Variants in WDFY4 observed in about 807,000 individuals in gnomAD.
The protein encoded by WDFY4 is WD repeat- and FYVE domain-containing protein 4.
WDFY4 carries 169 observed loss-of-function variants against 351.9 expected under a neutral mutation model. The ratio of observed to expected loss-of-function variants is 0.48; its 90% CI spans 0.42 to 0.55. The LOEUF (loss-of-function observed/expected upper bound fraction) is 0.55. Among genes scored for constraint, WDFY4 ranks in the 20% least tolerant of loss-of-function variants. WDFY4 has a pLI of 0.00. For missense variants in WDFY4, 3,803 were observed against 3,935.6 expected (o/e 0.97, Z 0.90); for synonymous variants, 1,622 against 1,574.6 (o/e 1.03, Z -0.71).
intron 2 of WDFY4, among the ~76,000 whole-genome samples, chr10:48,713,379 A>T (rs1316526938): frequency 6.6e-6 from 1 of 152,182 alleles, no homozygotes; most frequent in Non-Finnish European, 1.5e-5. Flanking sequence ...GTTTTCTTCC[A>T]TATCTGACTC....
chr10:48,774,440 T>G lies in WDFY4; in HGVS notation c.2554-18T>G. 1 of 1,551,524 alleles carries G rather than the reference T, an allele frequency of 6.4e-7. No homozygotes were observed. The highest frequency in any genetic ancestry group is 8.7e-7 in the Non-Finnish European group (1 of 1,146,928). On this transcript the variant is annotated intron_variant, in intron 13 of 61. Coordinates refer to ENST00000325239, the MANE Select transcript of WDFY4 (RefSeq NM_001394531.1). ...GTTCTGCCCTGGAGGGCTCACAGCT[T>G]GCTTTGGTCACTCTTAGCTTTCCGA...
chr10:48,878,946 A>C (rs1317611857), intron 43 of WDFY4, among the ~76,000 whole-genome samples: 1 of 152,274 alleles, frequency 6.6e-6, no homozygotes, highest in Non-Finnish European at 1.5e-5. Context: ...GAAGTATCAT[A>C]TATCTACTAT....
chr10:48,803,332 A>G lies in WDFY4; in HGVS notation c.4457A>G (p.His1486Arg), dbSNP rs1483195524. ...ADNLELSLFS[H>R]LLEILQSPRE... is the part of the protein sequence containing the mutation. ...AATCTGGAGCTCAGCCTCTTTTCCC[A>G]TCTTTTGGAAATCCTTCAATCACCA... Residue 1486 changes from histidine (H) to arginine (R), a missense_variant, in exon 25 of 62, where the codon CAT (histidine) becomes CGT (arginine). By Grantham distance (29) the His-to-Arg change is conservative (BLOSUM62 0). Transcript: ENST00000325239. 8.4e-6 allele frequency: 13 copies of G among 1,551,752 alleles called. No individual in the cohort carries two copies. In the South Asian group the frequency reaches 1.1e-4, roughly 13 times the overall value.
chr10:48,913,220 C>T (rs1171665399), intron 47 of WDFY4, among the ~76,000 whole-genome samples: 1 of 152,094 alleles, frequency 6.6e-6, no homozygotes, highest in Admixed American at 6.5e-5. Context: ...AATCAAAAGC[C>T]CTTCAATCAA....
At chr10:48,699,748 TG>T (rs557815954) in intron 1 of WDFY4, among the ~76,000 whole-genome samples, 41 of 152,324 alleles carry the variant, frequency 2.7e-4, no homozygotes, top group African/African-American at 8.2e-4. Context: ...CTGTGCTTTT[TG>T]TTTTTGTCCT....
intron 37 of WDFY4, 49 bp downstream of exon 37, chr10:48,828,945 G>T: frequency 2.1e-6 from 1 of 484,036 alleles, no homozygotes; most frequent in Non-Finnish European, 3.6e-6. Context: ...GGGCGGGGAG[G>T]GGGTGGTGGC....
intron 53 of WDFY4, among the ~76,000 whole-genome samples, chr10:48,961,039 A>C (rs576191337): frequency 6.6e-6 from 1 of 152,360 alleles, no homozygotes; most frequent in East Asian, 1.9e-4. Flanking sequence ...AAACACTTTG[A>C]ACTGGGCATT....
intron 13 of WDFY4, among the ~76,000 whole-genome samples, chr10:48,760,899 T>C (rs372740434): frequency 6.6e-6 from 1 of 152,118 alleles, no homozygotes; most frequent in Non-Finnish European, 1.5e-5. Flanking sequence ...AGAGCCCGCC[T>C]CTATGATGGG....
chr10:48,877,241 AGTT>A (rs1363802881), intron 43 of WDFY4, 42 bp downstream of exon 43: 3 of 1,522,272 alleles, frequency 2.0e-6, no homozygotes, highest in Non-Finnish European at 2.7e-6. Flanking sequence ...TTTTTAAGTT[AGTT>A]GTTAAGATTG....
chr10:48,894,986 C>G (rs1239394102), intron 44 of WDFY4, among the ~76,000 whole-genome samples: 1 of 152,218 alleles, frequency 6.6e-6, no homozygotes, highest in East Asian at 1.9e-4. Flanking sequence ...CAGAAGCATT[C>G]AGAACCAAAG....
chr10:48,945,667 T>C (rs1285468533), intron 49 of WDFY4, among the ~76,000 whole-genome samples: 1 of 152,200 alleles, frequency 6.6e-6, no homozygotes, highest in Non-Finnish European at 1.5e-5. Context: ...AAAATCAGTT[T>C]GATTCTAAGC....
chr10:48,946,200 G>A (rs1413252373), intron 50 of WDFY4, 43 bp downstream of exon 50: 18 of 1,412,082 alleles, frequency 1.3e-5, no homozygotes, highest in East Asian at 2.5e-5. Flanking sequence ...GTTATTCATC[G>A]GGATGCCCTA....
At chr10:48,880,714 A>T (rs1170715581) in intron 43 of WDFY4, among the ~76,000 whole-genome samples, 1 of 152,152 alleles carries the variant, frequency 6.6e-6, no homozygotes, top group Non-Finnish European at 1.5e-5. Flanking sequence ...GCCATTATCT[A>T]GGCATCCGTC....
chr10:48,876,528 C>A (rs1380379467), intron 42 of WDFY4, among the ~76,000 whole-genome samples: 1 of 152,160 alleles, frequency 6.6e-6, no homozygotes, highest in Admixed American at 6.5e-5. Context: ...TAAATGGGAC[C>A]TGTTATTATT....
chr10:48,909,991 T>G (rs1375167598), intron 47 of WDFY4: 2 of 528,730 alleles, frequency 3.8e-6, no homozygotes, highest in African/African-American at 3.8e-5. Flanking sequence ...TTCTTAAATT[T>G]TTTTCTATAT....
At chr10:48,753,525 T>C (rs572988149) in intron 12 of WDFY4, among the ~76,000 whole-genome samples, 20 of 152,236 alleles carry the variant, frequency 1.3e-4, no homozygotes, top group Non-Finnish European at 2.8e-4. Context: ...TAATTCATTT[T>C]GAGTTAATTT....
At chr10:48,771,415 A>T (rs57305726) in intron 13 of WDFY4, among the ~76,000 whole-genome samples, 113 of 152,314 alleles carry the variant, frequency 7.4e-4, no homozygotes, top group African/African-American at 2.7e-3. Context: ...CTCTGGGCTT[A>T]GCTTCCCCAT....
At chr10:48,969,954 C>A (rs1842266024) in intron 56 of WDFY4, among the ~76,000 whole-genome samples, 177 bp from the exon 57 acceptor site, 1 of 152,170 alleles carries the variant, frequency 6.6e-6, no homozygotes, top group African/African-American at 2.4e-5. Context: ...GGAGGAGGAG[C>A]TCCTGCGTGG....
intron 39 of WDFY4, among the ~76,000 whole-genome samples, chr10:48,854,379 G>C (rs1029932600): frequency 5.3e-5 from 8 of 152,032 alleles, no homozygotes; most frequent in African/African-American, 1.9e-4. Flanking sequence ...AAAGTGCTGG[G>C]ATTACAGGCA....
Sources: gnomAD v4.1 joint callset for allele counts (sites outside exome capture counted in the v4.1 genomes callset) on GRCh38, gnomAD v4.1.1 for gene constraint, MANE v1.5 for transcripts, NCBI Gene and HGNC (gene_info 2026-07-23, HGNC 2026-07-21) for gene names.